The following CACNB2 variants were observed in gnomAD, a reference collection of about 807,000 sequenced individuals.
CACNB2 encodes voltage-dependent L-type calcium channel subunit beta-2.
CACNB2 carries 42 observed loss-of-function variants against 73.3 expected under a neutral mutation model. The ratio of observed to expected loss-of-function variants is 0.57; its 90% CI spans 0.45 to 0.74. The LOEUF (loss-of-function observed/expected upper bound fraction) is 0.74. Among genes scored for constraint, CACNB2 ranks in the 30% least tolerant of loss-of-function variants. The pLI, the probability that CACNB2 is intolerant of heterozygous loss-of-function variation, is 0.00. For missense variants in CACNB2, 940 were observed against 853.0 expected, an observed-to-expected ratio of 1.10 and a Z score of -1.27; for synonymous variants, 348 against 310.3, an observed-to-expected ratio of 1.12 and a Z score of -1.28.
chr10:18,448,479 T>TAAAAAAAAAAAAAAAAAAAAA (rs56255761), intron 3 of CACNB2, among the ~76,000 whole-genome samples: 14 of 107,064 alleles, frequency 1.3e-4, no homozygotes, highest in East Asian at 5.6e-4. Context: ...CTCTCTCATT[T>TAAAAAAAAAAAAAAAAAAAAA]AAAAAAAAAA....
In CACNB2 at chr10:18,402,026, C is replaced by A; in HGVS notation, c.316C>A (p.Gln106Lys). ...RREAERQAQAQLEKAKTKPVA... is the reference protein window; with the variant it reads ...RREAERQAQAKLEKAKTKPVA... ...AGAAGCGGAGCGGCAGGCCCAGGCA[C>A]AGTTGGAAAAAGCAAAGGTAAAATC... Residue 106 changes from glutamine to lysine, a missense_variant, in exon 3 of 14, where the codon CAG becomes AAG. By Grantham distance (53) the Gln-to-Lys change is moderately conservative (BLOSUM62 1). Transcript: ENST00000324631. 2 of 1,613,972 alleles carry A rather than the reference C, an allele frequency of 1.2e-6. No homozygotes were observed. The highest frequency in any genetic ancestry group is 1.7e-6 in the Non-Finnish European group (2 of 1,179,962).
intron 1 of CACNB2, among the ~76,000 whole-genome samples, chr10:18,150,051 G>T (rs1204125510): frequency 6.6e-6 from 1 of 152,180 alleles, no homozygotes; most frequent in Non-Finnish European, 1.5e-5. Flanking sequence ...AAACTCAACT[G>T]TTAAGCTATT....
rs143877688 is a variant in CACNB2 at position 18,503,426 on chromosome 10, G to T, written c.593+2478G>T. Among the ~76,000 whole-genome samples the T allele has an allele frequency of 3.0e-3, 460 of 152,242 alleles. 2 individuals carry two copies. The highest frequency in any genetic ancestry group is 0.01 in the African/African-American group (433 of 41,542). ...AGCCTGGTCAATATGGTGAAACCCT[G>T]TCTCTACCAAAAGTATGAAACTAGC... On this transcript the variant is annotated intron_variant, in intron 5 of 13. Transcript: ENST00000324631.
intron 2 of CACNB2, among the ~76,000 whole-genome samples, chr10:18,211,827 C>T (rs80170691): frequency 0.013 from 1,944 of 151,384 alleles, 19 homozygotes; most frequent in Non-Finnish European, 0.022. Flanking sequence ...ATTCACTTAT[C>T]ACATTTTCTG....
intron 2 of CACNB2, among the ~76,000 whole-genome samples, chr10:18,248,087 G>A (rs1159121999): frequency 1.3e-5 from 2 of 152,190 alleles, no homozygotes; most frequent in African/African-American, 2.4e-5. Context: ...GAATTTTGAG[G>A]GAAATGCAAA....
intron 2 of CACNB2, among the ~76,000 whole-genome samples, chr10:18,322,720 A>G (rs78425190): frequency 6.6e-6 from 1 of 152,202 alleles, no homozygotes; most frequent in African/African-American, 2.4e-5. Flanking sequence ...CATTAAAGGA[A>G]TAAATTCTTA....
intron 7 of CACNB2, 27 bp from the exon 8 acceptor site, chr10:18,518,309 G>A (rs747463751): frequency 1.1e-5 from 17 of 1,522,432 alleles, no homozygotes; most frequent in Middle Eastern, 1.7e-4. Context: ...CCTGTGAAAC[G>A]TCTAAAAGCC....
At chr10:18,169,353 C>T (rs2033079414) in intron 2 of CACNB2, among the ~76,000 whole-genome samples, 2 of 152,120 alleles carry the variant, frequency 1.3e-5, no homozygotes, top group Admixed American at 6.5e-5. Context: ...ATATGCTACT[C>T]TCATTCTTGT....
intron 3 of CACNB2, among the ~76,000 whole-genome samples, chr10:18,495,579 GTGT>G (rs1436202655): frequency 1.6e-5 from 2 of 126,806 alleles, no homozygotes; most frequent in African/African-American, 6.4e-5. Context: ...GTGTGTGTGT[GTGT>G]GTGTGTGTGT....
chr10:18,525,779 C>T (rs940413425), intron 9 of CACNB2, among the ~76,000 whole-genome samples: 1 of 152,158 alleles, frequency 6.6e-6, no homozygotes, highest in East Asian at 1.9e-4. Context: ...ACTTTTCTTA[C>T]TTTTCTTCTC....
chr10:18,195,044 T>C (rs766348936), intron 2 of CACNB2, among the ~76,000 whole-genome samples: 1 of 152,190 alleles, frequency 6.6e-6, no homozygotes, highest in Non-Finnish European at 1.5e-5. Flanking sequence ...AGTTTAAAAA[T>C]ATATGACCAA....
chr10:18,180,468 G>A (rs963936829), intron 2 of CACNB2, among the ~76,000 whole-genome samples: 5 of 150,512 alleles, frequency 3.3e-5, no homozygotes, highest in African/African-American at 1.2e-4. Context: ...TTTTTTTAAG[G>A]CTGCCTTTTA....
intron 2 of CACNB2, among the ~76,000 whole-genome samples, chr10:18,229,344 T>C (rs913033463): frequency 2.0e-5 from 3 of 152,156 alleles, no homozygotes; most frequent in African/African-American, 7.2e-5. Context: ...GTTCAAAACT[T>C]TAGTTGTATT....
intron 3 of CACNB2, among the ~76,000 whole-genome samples, chr10:18,466,424 G>T (rs571080712): frequency 1.3e-5 from 2 of 151,924 alleles, no homozygotes; most frequent in East Asian, 3.9e-4. Context: ...ACAGAGACGA[G>T]GTCTCACTAT....
At position 18,412,445 on chromosome 10, in the gene CACNB2, AC is replaced by A. The variant is rs549256293; in HGVS notation, c.333+10406del. 2.1e-3 allele frequency among the ~76,000 whole-genome samples: 314 copies of A among 151,636 alleles called. 1 individual carries two copies. The highest frequency in any genetic ancestry group is 7.2e-3 in the African/African-American group (297 of 41,296). ...CCTTCTTTCTACTGCCAACCTTATC[AC>A]CCCAGGCTTTATTCTCCTGCTTCAA... On this transcript the variant is annotated intron_variant, in intron 3 of 13. Coordinates refer to ENST00000324631, the MANE Select transcript of CACNB2 (RefSeq NM_201596.3).
intron 2 of CACNB2, among the ~76,000 whole-genome samples, chr10:18,246,981 G>C (rs574240267): frequency 6.6e-6 from 1 of 152,058 alleles, no homozygotes; most frequent in Admixed American, 6.6e-5. Flanking sequence ...TGCATACCCC[G>C]TGAAACCTCA....
chr10:18,493,331 C>G (rs1394046891), intron 3 of CACNB2, among the ~76,000 whole-genome samples: 1 of 152,112 alleles, frequency 6.6e-6, no homozygotes, highest in Non-Finnish European at 1.5e-5. Context: ...CCACGCCTGG[C>G]TAATTTTTGT....
At chr10:18,526,091 G>C (rs968933361) in intron 9 of CACNB2, among the ~76,000 whole-genome samples, 4 of 152,288 alleles carry the variant, frequency 2.6e-5, no homozygotes, top group Admixed American at 6.5e-5. Flanking sequence ...CAGAGGTTCT[G>C]TGCTCATAGG....
intron 2 of CACNB2, among the ~76,000 whole-genome samples, chr10:18,157,893 G>A (rs144140913): frequency 1.2e-4 from 18 of 152,260 alleles, no homozygotes; most frequent in African/African-American, 3.1e-4. Flanking sequence ...TGTCTTCAGC[G>A]TTGTAAATTT....
Sources: gnomAD v4.1 joint callset for allele counts (sites outside exome capture counted in the v4.1 genomes callset) on GRCh38, gnomAD v4.1.1 for gene constraint, MANE v1.5 for transcripts, NCBI Gene and HGNC (gene_info 2026-07-23, HGNC 2026-07-21) for gene names.